Variants in MEGF6 observed in about 807,000 individuals in gnomAD.
MEGF6 encodes the protein multiple epidermal growth factor-like domains protein 6.
In MEGF6, 184 loss-of-function variants were observed where a neutral mutation model predicts 207.1. The ratio of observed to expected loss-of-function variants is 0.89; its 90% CI spans 0.79 to 1.00. The LOEUF is 1.00. MEGF6 is among the 50% of genes least tolerant of loss of function. The pLI, the probability that MEGF6 is intolerant of heterozygous loss-of-function variation, is 0.00. For synonymous variants in MEGF6, 1,038 were observed against 910.0 expected (o/e 1.14, Z -2.53); for missense variants, 2,282 against 2,202.9 (o/e 1.04, Z -0.72).
At chr1:3,492,122 C>T (rs1320313854) in intron 35 of MEGF6, among the ~76,000 whole-genome samples, 2 of 152,156 alleles carry the variant, frequency 1.3e-5, no homozygotes, top group East Asian at 1.9e-4. Context: ...TGCAGGACTG[C>T]GTGCGTGGAC....
chr1:3,546,706 C>A (rs1317404804), intron 4 of MEGF6, among the ~76,000 whole-genome samples: 1 of 139,626 alleles, frequency 7.2e-6, no homozygotes, highest in Non-Finnish European at 1.5e-5. Context: ...AGGGGGCTGC[C>A]AAGGAGGACG....
intron 2 of MEGF6, 109 bp downstream of exon 2, chr1:3,602,357 G>T: frequency 6.7e-7 from 1 of 1,488,418 alleles, no homozygotes; most frequent in South Asian, 1.3e-5. Flanking sequence ...GTTGCGTGTG[G>T]CCCTGAGACC....
At chr1:3,499,746 G>A (rs1254450139) in intron 22 of MEGF6, 30 bp from the exon 23 acceptor site, 3 of 1,595,836 alleles carry the variant, frequency 1.9e-6, no homozygotes, top group Admixed American at 1.7e-5. Flanking sequence ...ATGTGGAGGG[G>A]CCCACACTGG....
intron 4 of MEGF6, among the ~76,000 whole-genome samples, chr1:3,561,295 CT>C (rs1444267830): frequency 6.6e-6 from 1 of 152,168 alleles, no homozygotes; most frequent in African/African-American, 2.4e-5. Context: ...CAGGAGCCCC[CT>C]GGGGACCCAA....
At chr1:3,509,293 C>A in intron 11 of MEGF6, 48 bp from the exon 12 acceptor site, 7 of 1,383,430 alleles carry the variant, frequency 5.1e-6, no homozygotes, top group Non-Finnish European at 6.5e-6. Context: ...CACCTGCCTG[C>A]TCCAGCGACC....
chr1:3,534,892 C>G (rs193117041), intron 4 of MEGF6, among the ~76,000 whole-genome samples: 1 of 152,292 alleles, frequency 6.6e-6, no homozygotes, highest in Non-Finnish European at 1.5e-5. Context: ...CTCCATTCCC[C>G]TTGGGGCTGC....
At chr1:3,527,754 C>G (rs1642014998) in intron 4 of MEGF6, among the ~76,000 whole-genome samples, 1 of 152,192 alleles carries the variant, frequency 6.6e-6, no homozygotes, top group Non-Finnish European at 1.5e-5. Flanking sequence ...GAAGGAGACC[C>G]TTTCCCCCTG....
At chr1:3,566,404 A>C (rs768705501) in intron 4 of MEGF6, among the ~76,000 whole-genome samples, 4 of 152,228 alleles carry the variant, frequency 2.6e-5, no homozygotes, top group African/African-American at 7.2e-5. Context: ...CAGGGTTGGC[A>C]CTGGGCAGCC....
At chr1:3,531,170 C>T in intron 4 of MEGF6, 1 of 1,523,658 alleles carries the variant, frequency 6.6e-7, no homozygotes, top group Non-Finnish European at 8.8e-7. Context: ...TAGTGCGTGC[C>T]CGCGACGCGC....
rs61735149 is a variant in MEGF6 at position 3,501,835 on chromosome 1, G to A, written c.2275C>T (p.Arg759Trp). Residue 759 changes from arginine to tryptophan, a missense_variant, in exon 18 of 37, where the codon CGG becomes TGG. Arg to Trp is a moderately radical substitution (Grantham distance 101, BLOSUM62 -3). Transcript: ENST00000356575. ...APCHGVTGQCRCPPGRTGEDC... is the reference protein window; with the variant it reads ...APCHGVTGQCWCPPGRTGEDC... ...TCCCCAGTCCTCCCCGGCGGACACC[G>A]GCACTGCCCCGTGACCCCGTGGCAG... 1,457 of 1,608,280 alleles carry A rather than the reference G, an allele frequency of 9.1e-4. 13 individuals are homozygous for A. In the African/African-American group the frequency reaches 0.017, roughly 19 times the overall value.
rs1643862314 is a variant in MEGF6, at chr1:3,583,888, G to GCCACCAGACAATGCA, written c.377-3960_377-3959insTGCATTGTCTGGTGG. ...ACAACGCGCAGCCACCAGACAACGCGCAGCCACCAGACAACGCGCAGCCAC... is the reference window on the plus strand; with the variant it reads ...ACAACGCGCAGCCACCAGACAACGCGCCACCAGACAATGCACAGCCACCAGACAACGCGCAGCCAC... On this transcript the variant is annotated intron_variant, in intron 3 of 36. Coordinates refer to ENST00000356575, the MANE Select transcript of MEGF6 (RefSeq NM_001409.4). Among the ~76,000 whole-genome samples, 81 of 91,492 alleles carry GCCACCAGACAATGCA rather than the reference G, an allele frequency of 8.9e-4. 2 individuals carry two copies. Among genetic ancestry groups the GCCACCAGACAATGCA allele is most frequent in the African/African-American group, 2.8e-3 (66 of 23,660 alleles). The allele number at this position is 91,492 out of a possible 152,430, so 60.0% of individuals were successfully genotyped here.
chr1:3,494,820 AC>A, intron 30 of MEGF6, 79 bp from the exon 31 acceptor site: 1 of 1,456,522 alleles, frequency 6.9e-7, no homozygotes, highest in South Asian at 1.4e-5. Context: ...CCACAGGCTG[AC>A]AGTCACTCGG....
In MEGF6 at chr1:3,560,149, T is replaced by A; in HGVS notation, c.481+19676A>T. Among the ~76,000 whole-genome samples, 1 of 151,932 alleles carries A rather than the reference T, an allele frequency of 6.6e-6. No homozygotes were observed. The highest frequency in any genetic ancestry group is 1.5e-5 in the Non-Finnish European group (1 of 67,958). Reference sequence around the variant, plus strand: ...AAGGCTGGGCTTTTTTTTTTTCTTTTAACTAATAGATTTTATTTTTTAAAG... The same window carrying A: ...AAGGCTGGGCTTTTTTTTTTTCTTTAAACTAATAGATTTTATTTTTTAAAG... On this transcript the variant is annotated intron_variant, in intron 4 of 36. Coordinates refer to ENST00000356575, the MANE Select transcript of MEGF6 (RefSeq NM_001409.4). The surrounding 1 kb of genome is among the most constrained non-coding windows in gnomAD (Gnocchi z 4.0).
chr1:3,558,169 G>A (rs1304820630), intron 4 of MEGF6, among the ~76,000 whole-genome samples: 1 of 152,162 alleles, frequency 6.6e-6, no homozygotes, highest in African/African-American at 2.4e-5. Flanking sequence ...TGTCACCGAG[G>A]TGACAGCTCC....
rs533257274 is a variant in MEGF6, at chr1:3,546,759, A to C, written c.482-22513T>G. On this transcript the variant is annotated intron_variant, in intron 4 of 36. Coordinates refer to ENST00000356575, the MANE Select transcript of MEGF6 (RefSeq NM_001409.4). Reference sequence around the variant, plus strand: ...CGGGCTGGGAAGGAGGGTGCCAGGGAGGCCACCATGGCGGGGTGGCAATGG... The same window carrying C: ...CGGGCTGGGAAGGAGGGTGCCAGGGCGGCCACCATGGCGGGGTGGCAATGG... Among the ~76,000 whole-genome samples, 726 of 102,296 alleles carry C rather than the reference A, an allele frequency of 7.1e-3. 30 individuals are homozygous for C. Among genetic ancestry groups the C allele is most frequent in the African/African-American group, 0.026 (666 of 25,264 alleles). 67.1% of individuals were successfully genotyped at this position (102,296 alleles called of 152,430 possible).
chr1:3,519,423 C>T (rs1021348780), intron 5 of MEGF6, among the ~76,000 whole-genome samples: 8 of 152,230 alleles, frequency 5.3e-5, no homozygotes, highest in Non-Finnish European at 8.8e-5. Flanking sequence ...GTGGGAGCTG[C>T]ACGGCGCACC....
intron 8 of MEGF6, 81 bp from the exon 9 acceptor site, chr1:3,511,768 C>G: frequency 4.5e-6 from 7 of 1,546,868 alleles, no homozygotes; most frequent in Non-Finnish European, 6.1e-6. Flanking sequence ...TACCTCCACC[C>G]AGCAGCCAGC....
At position 3,509,946 on chromosome 1, in the gene MEGF6, G is replaced by A. The variant is rs866821254; in HGVS notation, c.1281C>T (p.Cys427=). Residue 427 remains cysteine, a synonymous_variant, in exon 11 of 37, where the codon TGC becomes TGT. Coordinates refer to ENST00000356575, the MANE Select transcript of MEGF6 (RefSeq NM_001409.4). ...ACTGGAAGGAGCCGGCCAGGTTGGT[G>A]CAGTGGTGCTCGCAGCCGCCACGGC... ...ASSRGGCEHH[C]TNLAGSFQCS... 3.2e-6 allele frequency: 5 copies of A among 1,580,484 alleles called. No individual in the cohort carries two copies. Among genetic ancestry groups the A allele is most frequent in the South Asian group, 2.3e-5 (2 of 86,636 alleles).
chr1:3,490,557 A>G lies in MEGF6; in HGVS notation c.4597T>C (p.Ser1533Pro). 1 of 1,613,306 alleles carries G rather than the reference A, an allele frequency of 6.2e-7. No homozygotes were observed. Among genetic ancestry groups the G allele is most frequent in the East Asian group, 2.2e-5 (1 of 44,874 alleles). ...TGCCTCGCTGGTCCACCGCTCCGGG[A>G]TGTGGGTCTGCTGGAGGCGGGCAGT... Reference protein sequence around the residue: ...GTLPASSRPTSRSGGPARH With the variant: ...GTLPASSRPTPRSGGPARH The change falls in exon 37 of 37, where the codon TCC becomes CCC. Residue 1533 changes from serine to proline, a missense_variant. Physicochemically the swap from Ser to Pro is moderately conservative, Grantham distance 74. Transcript: ENST00000356575.
Sources: gnomAD v4.1 joint callset for allele counts (sites outside exome capture counted in the v4.1 genomes callset) on GRCh38, gnomAD v4.1.1 for gene constraint, Gnocchi (gnomAD v3.1) non-coding constraint, MANE v1.5 for transcripts, NCBI Gene and HGNC (gene_info 2026-07-23, HGNC 2026-07-21) for gene names.